The following THSD7B variants were observed in gnomAD, a reference collection of about 807,000 sequenced individuals.
THSD7B encodes the protein thrombospondin type 1 domain containing 7B, also known as thrombospondin type-1 domain-containing protein 7B.
Under a neutral mutation model 213.6 loss-of-function variants are expected in THSD7B, and 138 were observed. The ratio of observed to expected loss-of-function variants is 0.65; its 90% CI spans 0.56 to 0.74. The LOEUF is 0.74. THSD7B is among the 30% of genes least tolerant of loss of function. The pLI is 0.00. For missense variants in THSD7B, 1,931 were observed against 1,991.5 expected, an observed-to-expected ratio of 0.97 and a Z score of 0.58; for synonymous variants, 742 against 687.0, an observed-to-expected ratio of 1.08 and a Z score of -1.25.
At chr2:137,340,975 CTTTTTGTTTTTTT>C (rs1684747850) in intron 12 of THSD7B, among the ~76,000 whole-genome samples, 1 of 114,026 alleles carries the variant, frequency 8.8e-6, no homozygotes, top group African/African-American at 3.1e-5. Flanking sequence ...CTCTAATTCT[CTTTTTGTTTTTTT>C]TTTTTTTTTT....
intron 2 of THSD7B, among the ~76,000 whole-genome samples, chr2:136,933,999 A>G (rs1023934341): frequency 1.3e-5 from 2 of 152,218 alleles, no homozygotes; most frequent in African/African-American, 4.8e-5. Flanking sequence ...CAATTCAGAA[A>G]TTCAGACAGT....
intron 17 of THSD7B, among the ~76,000 whole-genome samples, chr2:137,602,235 A>G (rs1316906188): frequency 6.6e-6 from 1 of 151,976 alleles, no homozygotes; most frequent in Non-Finnish European, 1.5e-5. Flanking sequence ...AAGGAAAGAC[A>G]TTTATTTTCT....
In THSD7B at chr2:137,160,179, A is replaced by G; in HGVS notation, c.1370-34A>G. The stretch of plus-strand genomic sequence containing the variant: ...AAGCAATGCTAAGGATGTCCAGAGA[A>G]TGTGACATGGTCCGTTATCTTTTTG... On this transcript the variant is annotated intron_variant, in intron 5 of 27. Transcript: ENST00000409968. 3.1e-6 allele frequency: 5 copies of G among 1,593,654 alleles called. No homozygotes were observed. The South Asian group carries it at 4.6e-5, about 15-fold the overall frequency.
At chr2:136,782,110 A>T (rs138115132) in intron 1 of THSD7B, among the ~76,000 whole-genome samples, 41 of 152,334 alleles carry the variant, frequency 2.7e-4, no homozygotes, top group African/African-American at 9.6e-4. Flanking sequence ...TACTTCAGTA[A>T]ATGTATTTTA....
intron 12 of THSD7B, among the ~76,000 whole-genome samples, chr2:137,340,445 A>G (rs1006719753): frequency 6.6e-6 from 1 of 151,928 alleles, no homozygotes; most frequent in African/African-American, 2.4e-5. Context: ...ATACTTAAAA[A>G]GTTTTTGTGG....
intron 1 of THSD7B, among the ~76,000 whole-genome samples, chr2:136,786,531 A>G (rs1176539292): frequency 6.6e-6 from 1 of 152,016 alleles, no homozygotes; most frequent in African/African-American, 2.4e-5. Flanking sequence ...TGCTTCTTCA[A>G]TGTGTTGCTT....
intron 15 of THSD7B, among the ~76,000 whole-genome samples, chr2:137,557,790 A>C (rs1681011102): frequency 1.3e-5 from 2 of 152,222 alleles, no homozygotes; most frequent in Non-Finnish European, 2.9e-5. Flanking sequence ...GTTTTTTGAA[A>C]AGATCAACAA....
At chr2:137,563,467 C>G in intron 16 of THSD7B, 113 bp downstream of exon 16, 1 of 1,324,638 alleles carries the variant, frequency 7.5e-7, no homozygotes, top group Non-Finnish European at 1.0e-6. Context: ...AACATATACT[C>G]TGGTTTTTTC....
chr2:137,167,759 GA>G (rs1373514117), intron 6 of THSD7B, among the ~76,000 whole-genome samples: 3 of 152,166 alleles, frequency 2.0e-5, no homozygotes, highest in Non-Finnish European at 4.4e-5. Flanking sequence ...AAGGTGAATT[GA>G]ATCTGTGGTC....
At chr2:136,866,309 T>C (rs1683331880) in intron 1 of THSD7B, among the ~76,000 whole-genome samples, 2 of 152,214 alleles carry the variant, frequency 1.3e-5, no homozygotes, top group Admixed American at 1.3e-4. Flanking sequence ...CCCGCAGACA[T>C]CTTCTCATGT....
At chr2:137,331,151 T>G (rs147876745) in intron 12 of THSD7B, among the ~76,000 whole-genome samples, 5 of 135,486 alleles carry the variant, frequency 3.7e-5, no homozygotes, top group African/African-American at 1.0e-4. Flanking sequence ...TAGACATAAA[T>G]GTTCTCCAAG....
chr2:137,426,485 A>T (rs1045807208), intron 14 of THSD7B, among the ~76,000 whole-genome samples: 1 of 152,204 alleles, frequency 6.6e-6, no homozygotes, highest in African/African-American at 2.4e-5. Context: ...AAACAGACAC[A>T]TAAATCAATG....
At chr2:137,511,076 G>A (rs1679953568) in intron 15 of THSD7B, among the ~76,000 whole-genome samples, 1 of 152,118 alleles carries the variant, frequency 6.6e-6, no homozygotes, top group East Asian at 1.9e-4. Context: ...TTAATAGTGT[G>A]TCACAGATCT....
intron 11 of THSD7B, 32 bp from the exon 12 acceptor site, chr2:137,275,891 A>C: frequency 6.5e-7 from 1 of 1,536,356 alleles, no homozygotes; most frequent in Non-Finnish European, 8.9e-7. Flanking sequence ...ATCACAGTAA[A>C]GTTTCTAGTC....
chr2:137,071,133 G>A (rs538336031), intron 3 of THSD7B, among the ~76,000 whole-genome samples: 6 of 152,232 alleles, frequency 3.9e-5, no homozygotes, highest in Non-Finnish European at 7.4e-5. Flanking sequence ...CTGAGGAATC[G>A]CCACACTGAC....
At chr2:136,835,330 C>T (rs1046229257) in intron 1 of THSD7B, among the ~76,000 whole-genome samples, 3 of 152,182 alleles carry the variant, frequency 2.0e-5, no homozygotes, top group Non-Finnish European at 4.4e-5. Context: ...AGGTGTAACT[C>T]TCTCATGACT....
chr2:136,896,747 T>A (rs1371102242), intron 2 of THSD7B, among the ~76,000 whole-genome samples: 2 of 152,100 alleles, frequency 1.3e-5, no homozygotes, highest in Non-Finnish European at 2.9e-5. Flanking sequence ...TAAGTTCAAT[T>A]TTTTACATGT....
chr2:136,793,907 T>C (rs1310862579), intron 1 of THSD7B, among the ~76,000 whole-genome samples: 1 of 151,878 alleles, frequency 6.6e-6, no homozygotes, highest in Non-Finnish European at 1.5e-5. Context: ...TCTGGGCTTT[T>C]GTGGAAAGGT....
At chr2:136,875,208 G>A (rs192344407) in intron 1 of THSD7B, among the ~76,000 whole-genome samples, 182 of 152,300 alleles carry the variant, frequency 1.2e-3, no homozygotes, top group African/African-American at 4.2e-3. Flanking sequence ...GATCACCTGA[G>A]GCCAGGAGTT....
Sources: gnomAD v4.1 joint callset for allele counts (sites outside exome capture counted in the v4.1 genomes callset) on GRCh38, gnomAD v4.1.1 for gene constraint, MANE v1.5 for transcripts, NCBI Gene and HGNC (gene_info 2026-07-23, HGNC 2026-07-21) for gene names.